The following ALDH5A1 variants were observed in gnomAD, a reference collection of about 807,000 sequenced individuals.
ALDH5A1 encodes aldehyde dehydrogenase 5 family member A1.
In ALDH5A1, 33 loss-of-function variants were observed where a neutral mutation model predicts 54.7. The ratio of observed to expected loss-of-function variants is 0.60; its 90% CI spans 0.46 to 0.81. The LOEUF (loss-of-function observed/expected upper bound fraction) is 0.81. Ranked by LOEUF, ALDH5A1 falls within the 30% of genes least tolerant of loss-of-function variation. The pLI is 0.00. For missense variants in ALDH5A1, 657 were observed against 711.0 expected, an observed-to-expected ratio of 0.92 and a Z score of 0.86; for synonymous variants, 294 against 292.7, an observed-to-expected ratio of 1.00 and a Z score of -0.05.
At position 24,534,232 on chromosome 6, in the gene ALDH5A1, A is replaced by G. The variant is rs916583844; in HGVS notation, c.*520A>G. ...CTGGAGGTGTTGCGGCAGAGGTTTG[A>G]GTGAACCCTCTTTCAAAGACAATAA... On this transcript the variant is annotated 3_prime_UTR_variant, in exon 10 of 10. Coordinates refer to ENST00000357578, the MANE Select transcript of ALDH5A1 (RefSeq NM_001080.3). The G allele has an allele frequency of 2.0e-4, 33 of 164,828 alleles. No individual in the cohort carries two copies. Among genetic ancestry groups the G allele is most frequent in the Admixed American group, 1.4e-3 (26 of 18,000 alleles). 10.2% of individuals were successfully genotyped at this position (164,828 alleles called of 1,614,324 possible).
chr6:24,522,651 A>C lies in ALDH5A1; in HGVS notation c.1015-116A>C, dbSNP rs549024369. On this transcript the variant is annotated intron_variant, in intron 6 of 9. Coordinates refer to ENST00000357578, the MANE Select transcript of ALDH5A1 (RefSeq NM_001080.3). ...TGAGGAGGAAAATGGCAGTTTGAGC[A>C]CATGACAACCACCGAGGGAAGTGTT... The C allele has an allele frequency of 5.5e-4, 706 of 1,272,700 alleles. 5 individuals carry two copies. The South Asian group carries it at 7.6e-3, about 14-fold the overall frequency. 78.8% of individuals were successfully genotyped at this position (1,272,700 alleles called of 1,614,324 possible).
intron 3 of ALDH5A1, 88 bp downstream of exon 3, chr6:24,503,521 T>C: frequency 1.3e-6 from 2 of 1,499,272 alleles, no homozygotes; most frequent in Non-Finnish European, 1.8e-6. Context: ...GCAGGTGTGC[T>C]CATCCTGTTA....
chr6:24,511,851 G>C (rs1179228787), intron 4 of ALDH5A1: 2 of 574,590 alleles, frequency 3.5e-6, no homozygotes, highest in Non-Finnish European at 6.3e-6. Context: ...ATTTCTTCTT[G>C]ATTTGGATCC....
rs1179619995 is a variant in ALDH5A1 at position 24,533,662 on chromosome 6, G to C, written c.1558G>C (p.Gly520Arg). The C allele has an allele frequency of 6.2e-7, 1 of 1,614,100 alleles. No individual in the cohort carries two copies. Among genetic ancestry groups the C allele is most frequent in the Non-Finnish European group, 8.5e-7 (1 of 1,180,010 alleles). Residue 520 changes from glycine to arginine, a missense_variant, in exon 10 of 10, where the codon GGC becomes CGC. Coordinates refer to ENST00000357578, the MANE Select transcript of ALDH5A1 (RefSeq NM_001080.3). Reference protein sequence around the residue: ...SGLGREGSKYGIDEYLELKYV... With the variant: ...SGLGREGSKYRIDEYLELKYV... ...CCTTGGGCGAGAGGGGTCCAAGTATGGCATTGATGAGTATCTGGAACTCAA... is the reference window on the plus strand; with the variant it reads ...CCTTGGGCGAGAGGGGTCCAAGTATCGCATTGATGAGTATCTGGAACTCAA...
At chr6:24,508,613 C>A (rs1385381383) in intron 4 of ALDH5A1, among the ~76,000 whole-genome samples, 3 of 149,774 alleles carry the variant, frequency 2.0e-5, no homozygotes, top group Non-Finnish European at 4.4e-5. Context: ...ATAATGACTT[C>A]TTTTCCTCTG....
intron 1 of ALDH5A1, among the ~76,000 whole-genome samples, chr6:24,496,930 C>T (rs1245632512): frequency 6.6e-6 from 1 of 152,132 alleles, no homozygotes; most frequent in Non-Finnish European, 1.5e-5. Flanking sequence ...ACCATTCAGC[C>T]CGTAACATCA....
At position 24,502,599 on chromosome 6, in the gene ALDH5A1, C is replaced by T. The variant is rs1489666051; in HGVS notation, c.431C>T (p.Ala144Val). Residue 144 changes from alanine to valine, a missense_variant, in exon 2 of 10, where the codon GCT becomes GTT. Coordinates refer to ENST00000357578, the MANE Select transcript of ALDH5A1 (RefSeq NM_001080.3). ...NKDDLARIITAESGKPLKEAH... is the reference protein window; with the variant it reads ...NKDDLARIITVESGKPLKEAH... ...GATGACCTTGCCAGAATAATCACAG[C>T]TGAAAGTGTAAGTTCAGGGTTCTGG... is the stretch of plus-strand genomic sequence containing the variant. 4 of 1,612,128 alleles carry T rather than the reference C, an allele frequency of 2.5e-6. No individual in the cohort carries two copies. The highest frequency in any genetic ancestry group is 3.4e-6 in the Non-Finnish European group (4 of 1,178,310).
At chr6:24,522,501 G>GTGTGTGTGTGTGTGTGTGTGTGTA in intron 6 of ALDH5A1, 40 of 361,600 alleles carry the variant, frequency 1.1e-4, no homozygotes, top group Non-Finnish European at 1.4e-4. Context: ...GTGTGTGTGT[G>GTGTGTGTGTGTGTGTGTGTGTGTA]TGTACAGGTG....
At position 24,494,978 on chromosome 6, in the gene ALDH5A1, C is replaced by G. The variant is rs756474270; in HGVS notation, c.-19C>G. ...GCGCGCCCGCTTGCCTGTTTCCTGT[C>G]GCCGTCGTTGCCCGGGCCATGGCGA... On this transcript the variant is annotated 5_prime_UTR_variant, in exon 1 of 10. Transcript: ENST00000357578. 1.5e-6 allele frequency: 2 copies of G among 1,309,784 alleles called. No homozygotes were observed. The highest frequency in any genetic ancestry group is 1.9e-6 in the Non-Finnish European group (2 of 1,030,434). The allele number at this position is 1,309,784 out of a possible 1,614,324, so 81.1% of individuals were successfully genotyped here.
intron 8 of ALDH5A1, among the ~76,000 whole-genome samples, chr6:24,530,946 C>T (rs995930738): frequency 6.6e-6 from 1 of 152,232 alleles, no homozygotes; most frequent in African/African-American, 2.4e-5. Flanking sequence ...GTCTCGAGCT[C>T]GCTCTCACGT....
chr6:24,526,974 G>GTGTATATATATATATA (rs1410523920), intron 7 of ALDH5A1, among the ~76,000 whole-genome samples: 1 of 30,598 alleles, frequency 3.3e-5, no homozygotes, highest in African/African-American at 9.9e-5. Context: ...ATGTGTGTGT[G>GTGTATATATATATATA]TATATATATA....
chr6:24,502,902 T>G (rs1269552614), intron 2 of ALDH5A1, among the ~76,000 whole-genome samples: 4 of 146,982 alleles, frequency 2.7e-5, no homozygotes, highest in Non-Finnish European at 6.0e-5. Context: ...GTTTTGGTTG[T>G]TTTTTTTTTT....
At chr6:24,511,651 A>T (rs969581099) in intron 4 of ALDH5A1, among the ~76,000 whole-genome samples, 1 of 150,966 alleles carries the variant, frequency 6.6e-6, no homozygotes, top group Admixed American at 6.6e-5. Flanking sequence ...CTATAAGTGC[A>T]CCCATTGTTT....
chr6:24,522,287 C>A (rs565859507), intron 6 of ALDH5A1, among the ~76,000 whole-genome samples: 2 of 152,284 alleles, frequency 1.3e-5, no homozygotes, highest in Admixed American at 6.5e-5. Context: ...GCCTGGGCGA[C>A]AGAGCGAGAC....
chr6:24,515,446 C>T (rs1759552059), intron 5 of ALDH5A1, 136 bp downstream of exon 5: 1 of 1,078,740 alleles, frequency 9.3e-7, no homozygotes, highest in Non-Finnish European at 1.3e-6. Context: ...TGTCGCAGGC[C>T]AAGCACGGCG....
intron 9 of ALDH5A1, 123 bp downstream of exon 9, chr6:24,532,300 T>G (rs1389038988): frequency 1.0e-6 from 1 of 987,562 alleles, no homozygotes; most frequent in East Asian, 2.5e-5. Context: ...TGTGTTTTGT[T>G]GCTTTCCAAG....
chr6:24,526,904 C>A (rs371956497), intron 7 of ALDH5A1, among the ~76,000 whole-genome samples: 1 of 122,006 alleles, frequency 8.2e-6, no homozygotes. Context: ...TATATATCTA[C>A]TATATATATA....
chr6:24,505,794 C>T (rs569007633), intron 4 of ALDH5A1, among the ~76,000 whole-genome samples: 16 of 151,936 alleles, frequency 1.1e-4, no homozygotes, highest in African/African-American at 3.9e-4. Flanking sequence ...CATGCTGAAA[C>T]CCTGTCTCTA....
In ALDH5A1 at chr6:24,535,942, C is replaced by G. The variant is rs746932604; in HGVS notation, c.*2230C>G. 1.6e-4 allele frequency: 24 copies of G among 152,168 alleles called. No homozygotes were observed. Among genetic ancestry groups the G allele is most frequent in the Non-Finnish European group, 3.2e-4 (22 of 68,028 alleles). The allele number at this position is 152,168 out of a possible 1,614,324, so 9.4% of individuals were successfully genotyped here. On this transcript the variant is annotated 3_prime_UTR_variant, in exon 10 of 10. Transcript: ENST00000357578. The stretch of plus-strand genomic sequence containing the variant: ...GCCAGTAGATTCTTTGGCTGGGTGG[C>G]AAATTTTGAGTCTTCTTGCATATTT...
Sources: gnomAD v4.1 joint callset for allele counts (sites outside exome capture counted in the v4.1 genomes callset) on GRCh38, gnomAD v4.1.1 for gene constraint, MANE v1.5 for transcripts, NCBI Gene and HGNC (gene_info 2026-07-23, HGNC 2026-07-21) for gene names.